The following GRK3 variants were observed in gnomAD, a reference collection of about 807,000 sequenced individuals.
GRK3 encodes the protein G protein-coupled receptor kinase 3.
A neutral mutation model predicts 95.7 loss-of-function variants in GRK3; 54 were observed. The ratio of observed to expected loss-of-function variants is 0.56; its 90% CI spans 0.45 to 0.71. GRK3 has a LOEUF of 0.71. GRK3 is among the 30% of genes least tolerant of loss of function. The pLI is 0.00. For synonymous variants in GRK3, 281 were observed against 290.8 expected, an observed-to-expected ratio of 0.97 and a Z score of 0.34; for missense variants, 649 against 851.2, an observed-to-expected ratio of 0.76 and a Z score of 2.96.
Position 25,663,485 on chromosome 22 carries a change from G to A in GRK3, c.367-145G>A, listed in dbSNP as rs1184089719. 3 of 575,300 alleles carry A rather than the reference G, an allele frequency of 5.2e-6. No individual in the cohort carries two copies. The African/African-American group carries it at 5.8e-5, about 11-fold the overall frequency. The allele number at this position is 575,300 out of a possible 1,614,324, so 35.6% of individuals were successfully genotyped here. ...TGCGATTGCCTATAAATACTCAACA[G>A]ATTTTTAAAGAATGTTTGTTAATAT... On this transcript the variant is annotated intron_variant, in intron 4 of 20. Coordinates refer to ENST00000324198, the MANE Select transcript of GRK3 (RefSeq NM_005160.4).
At position 25,723,492 on chromosome 22, in the gene GRK3, T is replaced by C. The variant is rs1226788129; in HGVS notation, c.*1042T>C. 2 of 152,196 alleles carry C rather than the reference T, an allele frequency of 1.3e-5. No homozygotes were observed. The highest frequency in any genetic ancestry group is 2.9e-5 in the Non-Finnish European group (2 of 68,040). The allele number at this position is 152,196 out of a possible 1,614,324, so 9.4% of individuals were successfully genotyped here. On this transcript the variant is annotated 3_prime_UTR_variant, in exon 21 of 21. Transcript: ENST00000324198. ...TGACTTTCATGTCGTCATGCATCTG[T>C]CATGAATGAATGATACTTTGCACTG...
intron 2 of GRK3, among the ~76,000 whole-genome samples, chr22:25,614,835 A>G (rs1601475303): frequency 1.3e-5 from 2 of 152,192 alleles, no homozygotes; most frequent in East Asian, 3.8e-4. Context: ...GCTGAAGGGG[A>G]CATTCAATCA....
chr22:25,701,218 C>T (rs182463923), intron 13 of GRK3, among the ~76,000 whole-genome samples: 99 of 152,322 alleles, frequency 6.5e-4, no homozygotes, highest in Middle Eastern at 3.4e-3. Flanking sequence ...CTATTTAAAG[C>T]GGCTGCATCA....
At chr22:25,615,661 G>C (rs2146351735) in intron 2 of GRK3, among the ~76,000 whole-genome samples, 1 of 139,794 alleles carries the variant, frequency 7.2e-6, no homozygotes. Context: ...ATCCCTTAGG[G>C]AACAAAAGCA....
intron 2 of GRK3, among the ~76,000 whole-genome samples, chr22:25,608,690 C>T (rs1377668508): frequency 6.6e-6 from 1 of 152,172 alleles, no homozygotes; most frequent in African/African-American, 2.4e-5. Flanking sequence ...GCACAGAATT[C>T]CATCCATAAC....
At chr22:25,644,841 T>C (rs2084769275) in intron 3 of GRK3, among the ~76,000 whole-genome samples, 176 bp downstream of exon 3, 1 of 152,194 alleles carries the variant, frequency 6.6e-6, no homozygotes, top group Admixed American at 6.5e-5. Context: ...AAGCTGAGTA[T>C]GCCATAAAAG....
chr22:25,574,756 A>G (rs1931831075), intron 1 of GRK3, among the ~76,000 whole-genome samples: 1 of 152,146 alleles, frequency 6.6e-6, no homozygotes. Flanking sequence ...TTTCAAGTGA[A>G]TTTTCTTTGT....
chr22:25,672,247 C>T, intron 6 of GRK3, 49 bp from the exon 7 acceptor site: 1 of 916,738 alleles, frequency 1.1e-6, no homozygotes, highest in Non-Finnish European at 1.7e-6. Flanking sequence ...TTTGTAAATC[C>T]AGTTAATTTG....
At chr22:25,625,412 C>A (rs2084620036) in intron 2 of GRK3, among the ~76,000 whole-genome samples, 1 of 152,170 alleles carries the variant, frequency 6.6e-6, no homozygotes, top group African/African-American at 2.4e-5. Flanking sequence ...TTCTGTTATG[C>A]CCAGACAGGG....
At position 25,722,495 on chromosome 22, in the gene GRK3, T is replaced by G; in HGVS notation, c.*45T>G. 1.2e-6 allele frequency: 2 copies of G among 1,600,898 alleles called. No homozygotes were observed. Among genetic ancestry groups the G allele is most frequent in the Non-Finnish European group, 1.7e-6 (2 of 1,169,940 alleles). On this transcript the variant is annotated 3_prime_UTR_variant, in exon 21 of 21. Coordinates refer to ENST00000324198, the MANE Select transcript of GRK3 (RefSeq NM_005160.4). ...TCCTCGAGGAGGACACACCAGGGTC[T>G]CAGCCTTTTGGGGTGAACGAGGATG...
chr22:25,708,374 G>A (rs1308008637), intron 15 of GRK3, among the ~76,000 whole-genome samples: 1 of 152,194 alleles, frequency 6.6e-6, no homozygotes, highest in Non-Finnish European at 1.5e-5. Flanking sequence ...GGCCTGTGCA[G>A]GAGCAGTGCG....
intron 1 of GRK3, among the ~76,000 whole-genome samples, chr22:25,591,803 G>C (rs529155930): frequency 7.2e-5 from 11 of 152,012 alleles, no homozygotes; most frequent in African/African-American, 2.7e-4. Context: ...GATCCATCTG[G>C]GTTTTTAAAT....
At chr22:25,674,184 C>G (rs1189448952) in intron 7 of GRK3, among the ~76,000 whole-genome samples, 3 of 152,102 alleles carry the variant, frequency 2.0e-5, no homozygotes, top group African/African-American at 7.2e-5. Context: ...CGGCTTGGTT[C>G]CACTCCATCA....
At chr22:25,592,619 A>G (rs77807212) in intron 1 of GRK3, among the ~76,000 whole-genome samples, 10,111 of 147,456 alleles carry the variant, frequency 0.069, 449 homozygotes, top group African/African-American at 0.13. Flanking sequence ...ATTTAGACCT[A>G]TGGTCAATCT....
Position 25,687,600 on chromosome 22 carries a change from A to C in GRK3, c.890A>C (p.Tyr297Ser), listed in dbSNP as rs1384082597. The C allele has an allele frequency of 6.2e-7, 1 of 1,614,028 alleles. No individual in the cohort carries two copies. The highest frequency in any genetic ancestry group is 8.5e-7 in the Non-Finnish European group (1 of 1,179,984). ...TTCTCTGAGAAGGAGATGCGGTTTT[A>C]TGCCACTGAAATCATTCTGGGTCTG... is the stretch of plus-strand genomic sequence containing the variant. The part of the protein sequence containing the change: ...GVFSEKEMRF[Y>S]ATEIILGLEH... Residue 297 changes from tyrosine to serine, a missense_variant, in exon 11 of 21, where the codon TAT becomes TCT. Around this residue, in one of 3 missense-constraint regions of GRK3, gnomAD observed 382 missense variants for 493.8 expected, o/e 0.77. Coordinates refer to ENST00000324198, the MANE Select transcript of GRK3 (RefSeq NM_005160.4).
chr22:25,709,431 T>C (rs2146462316), intron 15 of GRK3, among the ~76,000 whole-genome samples: 1 of 152,360 alleles, frequency 6.6e-6, no homozygotes, highest in Middle Eastern at 3.4e-3. Flanking sequence ...CATTATATTA[T>C]TAGATCTCTT....
At chr22:25,701,071 T>C (rs776163050) in intron 13 of GRK3, among the ~76,000 whole-genome samples, 26 of 152,230 alleles carry the variant, frequency 1.7e-4, no homozygotes, top group Non-Finnish European at 3.5e-4. Flanking sequence ...TTCCATTCTA[T>C]CTGTAGTTCA....
At chr22:25,590,534 C>G (rs1289885528) in intron 1 of GRK3, among the ~76,000 whole-genome samples, 1 of 152,110 alleles carries the variant, frequency 6.6e-6, no homozygotes, top group Admixed American at 6.5e-5. Context: ...TTAAAACAAA[C>G]AAACAGGCCG....
intron 5 of GRK3, among the ~76,000 whole-genome samples, chr22:25,666,161 T>C (rs1287257363): frequency 1.3e-5 from 2 of 152,238 alleles, no homozygotes; most frequent in Non-Finnish European, 2.9e-5. Flanking sequence ...GGCAGCATGG[T>C]AGATTCTACG....
Sources: gnomAD v4.1 joint callset for allele counts (sites outside exome capture counted in the v4.1 genomes callset) on GRCh38, gnomAD v4.1.1 for gene constraint, gnomAD v4.1.1 regional missense constraint, MANE v1.5 for transcripts, NCBI Gene and HGNC (gene_info 2026-07-23, HGNC 2026-07-21) for gene names.